The following MCOLN1 variants were observed in gnomAD, a reference collection of about 807,000 sequenced individuals.
The protein encoded by MCOLN1 is mucolipin TRP cation channel 1.
In MCOLN1, 50 loss-of-function variants were observed where a neutral mutation model predicts 70.3. That is an observed-to-expected ratio of 0.71 (90% CI 0.57 to 0.90). The LOEUF is 0.90. Among genes scored for constraint, MCOLN1 ranks in the 40% least tolerant of loss-of-function variants. The pLI is 0.00. For missense variants in MCOLN1, 598 were observed against 803.5 expected (o/e 0.74, Z 3.09); for synonymous variants, 366 against 341.0 (o/e 1.07, Z -0.81).
chr19:7,528,046 C>A lies in MCOLN1; in HGVS notation c.777+86C>A. ...GTGTCTTGGGAGCACTGGCCAAGGG[C>A]AAGCGTGCGGGTGATGAGGGAGGGA... On this transcript the variant is annotated intron_variant, in intron 6 of 13. Transcript: ENST00000264079. This position sits in a 1 kb window ranked among gnomAD's most constrained non-coding sequence, Gnocchi z 4.2. 1.3e-6 allele frequency: 2 copies of A among 1,524,662 alleles called. No individual in the cohort carries two copies. The highest frequency in any genetic ancestry group is 1.8e-6 in the Non-Finnish European group (2 of 1,099,038). 94.4% of individuals were successfully genotyped at this position (1,524,662 alleles called of 1,614,324 possible).
In MCOLN1 at chr19:7,525,363, G is replaced by A. The variant is rs1204092018; in HGVS notation, c.237+197G>A. ...AAAAAAATTAGCCGTGCGTGGTGGC[G>A]GGTGCCTGTAATCCCAGCTACTTGG... On this transcript the variant is annotated intron_variant, in intron 2 of 13. Transcript: ENST00000264079. The surrounding 1 kb of genome is among the most constrained non-coding windows in gnomAD (Gnocchi z 4.2). 4.1e-5 allele frequency: 23 copies of A among 566,262 alleles called. No individual in the cohort carries two copies. The highest frequency in any genetic ancestry group is 7.5e-5 in the African/African-American group (4 of 53,592). 35.1% of individuals were successfully genotyped at this position (566,262 alleles called of 1,614,324 possible).
intron 10 of MCOLN1, 85 bp from the exon 11 acceptor site, chr19:7,529,505 C>CG: frequency 1.3e-6 from 1 of 755,744 alleles, no homozygotes; most frequent in Non-Finnish European, 2.3e-6. Context: ...GGCAAGGCCC[C>CG]GCCCCTCCCA....
At chr19:7,530,561 G>C in intron 12 of MCOLN1, 60 bp downstream of exon 12, 1 of 1,440,516 alleles carries the variant, frequency 6.9e-7, no homozygotes, top group Non-Finnish European at 9.7e-7. Flanking sequence ...TCTGCCATGA[G>C]GGGGTCTTGG....
chr19:7,525,187 G>A lies in MCOLN1; in HGVS notation c.237+21G>A. On this transcript the variant is annotated intron_variant, in intron 2 of 13. Transcript: ENST00000264079. This position sits in a 1 kb window ranked among gnomAD's most constrained non-coding sequence, Gnocchi z 4.2. ...TGCAGGTGAGGCCAGCCAAGCAGGGGCCCCAGCTGAAGGCCACCTGTGGCT... is the reference window on the plus strand; with the variant it reads ...TGCAGGTGAGGCCAGCCAAGCAGGGACCCCAGCTGAAGGCCACCTGTGGCT... 6.2e-7 allele frequency: 1 copy of A among 1,612,122 alleles called. No individual in the cohort carries two copies. The highest frequency in any genetic ancestry group is 8.5e-7 in the Non-Finnish European group (1 of 1,178,752).
Position 7,527,607 on chromosome 19 carries a change from A to C in MCOLN1, c.659A>C (p.Asn220Thr). Residue 220 changes from asparagine (N) to threonine (T), a missense_variant, in exon 5 of 14, where the codon AAC becomes ACC. By Grantham distance (65) the Asn-to-Thr change is moderately conservative. Around this residue, in one of 3 missense-constraint regions of MCOLN1, gnomAD observed 461 missense variants for 588.4 expected, o/e 0.78. Transcript: ENST00000264079. ...TTGGAAAGCAGCTCCAGTTACAAGA[A>C]CCTCACGCTCAAATTCCACAAGTAC... ...TLLESSSSYK[N>T]LTLKFHKLVN... is the part of the protein sequence containing the mutation. 1 of 1,613,372 alleles carries C rather than the reference A, an allele frequency of 6.2e-7. No individual in the cohort carries two copies. Among genetic ancestry groups the C allele is most frequent in the Non-Finnish European group, 8.5e-7 (1 of 1,179,330 alleles).
In MCOLN1 at chr19:7,526,809, G is replaced by A. The variant is rs955372943; in HGVS notation, c.454G>A (p.Gly152Ser). Residue 152 changes from glycine to serine, a missense_variant, in exon 4 of 14, where the codon GGT (glycine) becomes AGT (serine). By Grantham distance (56) the Gly-to-Ser change is moderately conservative. This residue lies in a region of MCOLN1 where 461 missense variants were observed against 588.4 expected (regional missense o/e 0.78). Transcript: ENST00000264079. The surrounding 1 kb of genome is among the most constrained non-coding windows in gnomAD (Gnocchi z 4.6). The part of the protein sequence containing the change: ...VSLGRYAYVR[G>S]GGDPWTNGSG... ...ACTGGGCCGGTATGCGTATGTCCGT[G>A]GTGGGGGTGACCCTTGGACCAATGG... The A allele has an allele frequency of 7.4e-6, 12 of 1,614,088 alleles. No homozygotes were observed. The highest frequency in any genetic ancestry group is 1.0e-5 in the Non-Finnish European group (12 of 1,180,050).
chr19:7,523,148 C>T (rs978494950), intron 1 of MCOLN1, among the ~76,000 whole-genome samples: 11 of 152,238 alleles, frequency 7.2e-5, no homozygotes, highest in African/African-American at 2.7e-4. Context: ...ACGTGAGACT[C>T]CCAGGCTTCC....
chr19:7,523,867 T>A (rs985404641), intron 1 of MCOLN1, among the ~76,000 whole-genome samples: 3 of 151,834 alleles, frequency 2.0e-5, no homozygotes, highest in Admixed American at 6.6e-5. Context: ...TTTTTTTTTT[T>A]AATAAACTTT....
rs867749170 is a variant in MCOLN1, at chr19:7,524,785, G to T, written c.32-176G>T. Reference sequence around the variant, plus strand: ...AACTCATAACCTCTGAGCAGGACGGGTGCATAGATACCTACAATGTCACAG... The same window carrying T: ...AACTCATAACCTCTGAGCAGGACGGTTGCATAGATACCTACAATGTCACAG... On this transcript the variant is annotated intron_variant, in intron 1 of 13. Transcript: ENST00000264079. The surrounding 1 kb of genome is among the most constrained non-coding windows in gnomAD (Gnocchi z 4.1). Among the ~76,000 whole-genome samples, 2 of 152,190 alleles carry T rather than the reference G, an allele frequency of 1.3e-5. No individual in the cohort carries two copies. The highest frequency in any genetic ancestry group is 6.5e-5 in the Admixed American group (1 of 15,278).
chr19:7,522,661 GC>G lies in MCOLN1; in HGVS notation c.-89del. ...ATGCCGGAGGGTTTGAAGCCGCGCC[GC>G]GAGGGAGCGAGGTCGCAGTGACAGC... On this transcript the variant is annotated 5_prime_UTR_variant, in exon 1 of 14. The change abolishes the stop of an existing upstream ORF in the 5' untranslated region. Transcript: ENST00000264079. The G allele has an allele frequency of 7.5e-7, 1 of 1,340,860 alleles. No homozygotes were observed. The highest frequency in any genetic ancestry group is 9.8e-7 in the Non-Finnish European group (1 of 1,017,192). The allele number at this position is 1,340,860 out of a possible 1,614,324, so 83.1% of individuals were successfully genotyped here. A position where few individuals can be genotyped will look rare whatever the true frequency, so the allele number is the denominator to read the frequency against.
Position 7,528,337 on chromosome 19 carries a change from G to C in MCOLN1, c.877+80G>C. Reference sequence around the variant, plus strand: ...ATTCCCCAAGCCCCAGATCAGCGCTGCCTGGGGGCCGTGACCTCCCCAGGA... The same window carrying C: ...ATTCCCCAAGCCCCAGATCAGCGCTCCCTGGGGGCCGTGACCTCCCCAGGA... On this transcript the variant is annotated intron_variant, in intron 7 of 13. Transcript: ENST00000264079. This position sits in a 1 kb window ranked among gnomAD's most constrained non-coding sequence, Gnocchi z 4.2. 1 of 1,378,494 alleles carries C rather than the reference G, an allele frequency of 7.3e-7. No homozygotes were observed. The highest frequency in any genetic ancestry group is 1.4e-5 in the African/African-American group (1 of 70,142). 85.4% of individuals were successfully genotyped at this position (1,378,494 alleles called of 1,614,324 possible).
chr19:7,532,362 A>G (rs1216855087), intron 12 of MCOLN1, among the ~76,000 whole-genome samples: 1 of 152,172 alleles, frequency 6.6e-6, no homozygotes, highest in Non-Finnish European at 1.5e-5. Flanking sequence ...GAGAGCTTCT[A>G]GAATGTTCTA....
In MCOLN1 at chr19:7,525,057, G is replaced by T. The variant is rs762783827; in HGVS notation, c.128G>T (p.Arg43Leu). Residue 43 changes from arginine (R) to leucine (L), a missense_variant, in exon 2 of 14, where the codon CGT (arginine) becomes CTT (leucine). Physicochemically the swap from Arg to Leu is moderately radical, Grantham distance 102. Coordinates refer to ENST00000264079, the MANE Select transcript of MCOLN1 (RefSeq NM_020533.3). The surrounding 1 kb of genome is among the most constrained non-coding windows in gnomAD (Gnocchi z 4.2). ...CCCCCAGAAGAGGAAGACCTTCGCC[G>T]TCGTCTCAAATACTTTTTCATGAGT... is the stretch of plus-strand genomic sequence containing the variant. The part of the protein sequence containing the change: ...PTPPEEEDLR[R>L]RLKYFFMSPC... The T allele has an allele frequency of 2.4e-5, 39 of 1,613,996 alleles. No individual in the cohort carries two copies. Among genetic ancestry groups the T allele is most frequent in the Non-Finnish European group, 3.3e-5 (39 of 1,180,028 alleles).
Position 7,529,133 on chromosome 19 carries a change from C to A in MCOLN1, c.1167C>A (p.Leu389=). The A allele has an allele frequency of 6.2e-7, 1 of 1,613,980 alleles. No individual in the cohort carries two copies. The highest frequency in any genetic ancestry group is 8.5e-7 in the Non-Finnish European group (1 of 1,180,028). Residue 389 remains leucine, a synonymous_variant, in exon 10 of 14, where the codon CTC becomes CTA. Transcript: ENST00000264079. ...CGAGCTACGACGTCTGCAGCATCCT[C>A]CTGGGCACCTCGACGCTGCTGGTGT... The part of the protein sequence containing the change: ...NLASYDVCSI[L]LGTSTLLVWV...
At position 7,533,623 on chromosome 19, in the gene MCOLN1, C is replaced by T. The variant is rs772331956; in HGVS notation, c.1676C>T (p.Ser559Leu). The change falls in exon 13 of 14, where the codon TCG becomes TTG. Residue 559 changes from serine to leucine, a missense_variant. Ser to Leu is a moderately radical substitution (Grantham distance 145). Transcript: ENST00000264079. ...GGCAAGTTCCGCCGCGGGAGCGGCT[C>T]GGCCTGCAGCCTTCTCTGCTGCTGC... The part of the protein sequence containing the change: ...TSGKFRRGSG[S>L]ACSLLCCCGR... The T allele has an allele frequency of 2.5e-6, 4 of 1,612,404 alleles. No individual in the cohort carries two copies. The highest frequency in any genetic ancestry group is 1.1e-5 in the South Asian group (1 of 91,018).
intron 4 of MCOLN1, chr19:7,527,281 A>C: frequency 1.8e-6 from 1 of 542,234 alleles, no homozygotes; most frequent in East Asian, 3.3e-5. Context: ...CAAAAAAAAA[A>C]AAAAAAAAAA....
intron 10 of MCOLN1, 111 bp downstream of exon 10, chr19:7,529,313 T>G: frequency 5.7e-6 from 6 of 1,046,016 alleles, no homozygotes; most frequent in Non-Finnish European, 8.7e-6. Flanking sequence ...CTTGCAAGCC[T>G]CCTCCTCCTA....
rs1381405009 is a variant in MCOLN1 at position 7,528,578 on chromosome 19, C to T, written c.878-19C>T. ...GCTCCATGCCATCCTTGGCCCTACC[C>T]GCTCTGCCCTCCCCGCAGGAGACAA... On this transcript the variant is annotated intron_variant, in intron 7 of 13. Coordinates refer to ENST00000264079, the MANE Select transcript of MCOLN1 (RefSeq NM_020533.3). This position sits in a 1 kb window ranked among gnomAD's most constrained non-coding sequence, Gnocchi z 4.2. The T allele has an allele frequency of 8.7e-6, 14 of 1,613,758 alleles. No individual in the cohort carries two copies. The highest frequency in any genetic ancestry group is 1.7e-4 in the Middle Eastern group (1 of 5,930).
At chr19:7,530,122 C>G (rs1292534135) in intron 11 of MCOLN1, among the ~76,000 whole-genome samples, 164 bp from the exon 12 acceptor site, 1 of 152,066 alleles carries the variant, frequency 6.6e-6, no homozygotes, top group Admixed American at 6.5e-5. Flanking sequence ...GGGCCCTAGC[C>G]TGGAACCCGA....
Sources: gnomAD v4.1 joint callset for allele counts (sites outside exome capture counted in the v4.1 genomes callset) on GRCh38, gnomAD v4.1.1 for gene constraint, gnomAD v4.1.1 regional missense constraint, Gnocchi (gnomAD v3.1) non-coding constraint, MANE v1.5 for transcripts, NCBI Gene and HGNC (gene_info 2026-07-23, HGNC 2026-07-21) for gene names.